MSI2: variants seen among roughly 807,000 people sequenced by gnomAD.
MSI2 encodes the protein musashi RNA binding protein 2.
Under a neutral mutation model 45.6 loss-of-function variants are expected in MSI2, and 17 were observed. That is an observed-to-expected ratio of 0.37 (90% CI 0.26 to 0.56). The LOEUF (loss-of-function observed/expected upper bound fraction) is 0.56. Among genes scored for constraint, MSI2 ranks in the 20% least tolerant of loss-of-function variants. MSI2 has a pLI of 0.77. For missense variants in MSI2, 293 were observed against 444.2 expected, an observed-to-expected ratio of 0.66 and a Z score of 3.06; for synonymous variants, 156 against 158.2, an observed-to-expected ratio of 0.99 and a Z score of 0.11.
intron 11 of MSI2, among the ~76,000 whole-genome samples, chr17:57,674,560 A>C (rs1913080681): frequency 6.6e-6 from 1 of 152,006 alleles, no homozygotes; most frequent in African/African-American, 2.4e-5. Context: ...ACGTGCCCAG[A>C]TCTAGAAGAC....
At chr17:57,640,149 G>A (rs879278918) in intron 10 of MSI2, among the ~76,000 whole-genome samples, 21 of 152,128 alleles carry the variant, frequency 1.4e-4, no homozygotes, top group Non-Finnish European at 1.5e-4. Flanking sequence ...AGGGCACTGG[G>A]AACCATCAGT....
chr17:57,637,748 G>T (rs1484207744), intron 10 of MSI2, among the ~76,000 whole-genome samples: 1 of 152,226 alleles, frequency 6.6e-6, no homozygotes, highest in Non-Finnish European at 1.5e-5. Context: ...TTTAGAAAAG[G>T]TTAGTGTCAT....
At chr17:57,606,672 G>A (rs147212192) in intron 8 of MSI2, among the ~76,000 whole-genome samples, 7 of 152,232 alleles carry the variant, frequency 4.6e-5, no homozygotes, top group Admixed American at 2.6e-4. Context: ...TTGGTAAATA[G>A]TAGATGCTTA....
rs764340482 is a variant in MSI2, at chr17:57,285,951, T to C, written c.312+23759T>C. The C allele has an allele frequency of 1.8e-5, 27 of 1,534,780 alleles. No individual in the cohort carries two copies. The South Asian group carries it at 2.6e-4, about 15-fold the overall frequency. On this transcript the variant is annotated intron_variant, in intron 5 of 13. Transcript: ENST00000284073. ...TATCACGTGAATCAGTATCTTTTTA[T>C]TCAACATGGATGGAGTGGGAGTGGA... is the stretch of plus-strand genomic sequence containing the variant.
chr17:57,356,131 T>A (rs975855175), intron 5 of MSI2, among the ~76,000 whole-genome samples: 1 of 152,176 alleles, frequency 6.6e-6, no homozygotes, highest in Non-Finnish European at 1.5e-5. Flanking sequence ...CGCCTCAGCC[T>A]CCCAAAGTGC....
At chr17:57,694,732 A>G in the MSI2 span, among the ~76,000 whole-genome samples, 2 of 152,186 alleles carry the variant, frequency 1.3e-5, no homozygotes, top group Admixed American at 1.3e-4. Flanking sequence ...AGTACACAAC[A>G]TGGCCTTAGA....
At chr17:57,501,735 T>C (rs1454775966) in intron 6 of MSI2, among the ~76,000 whole-genome samples, 5 of 152,336 alleles carry the variant, frequency 3.3e-5, no homozygotes, top group African/African-American at 1.2e-4. Context: ...GGACCTAGAA[T>C]AGCCCCTGCT....
intron 7 of MSI2, among the ~76,000 whole-genome samples, chr17:57,578,444 G>C (rs1358911730): frequency 1.3e-5 from 2 of 151,962 alleles, no homozygotes; most frequent in Non-Finnish European, 1.5e-5. Context: ...AGTTCCTACT[G>C]GCCTTGCCTT....
intron 6 of MSI2, among the ~76,000 whole-genome samples, chr17:57,406,374 C>A (rs72830897): frequency 0.012 from 1,765 of 152,116 alleles, 14 homozygotes; most frequent in Non-Finnish European, 0.018. Context: ...CCCTTCAGGC[C>A]CCTCCTTCAA....
intron 6 of MSI2, among the ~76,000 whole-genome samples, chr17:57,433,365 C>T (rs1471021453): frequency 1.3e-5 from 2 of 152,018 alleles, no homozygotes; most frequent in South Asian, 2.1e-4. Flanking sequence ...GATCTGAAGT[C>T]GAACCCAGGA....
chr17:57,436,650 G>C (rs58953075), intron 6 of MSI2, among the ~76,000 whole-genome samples: 8,075 of 152,312 alleles, frequency 0.053, 282 homozygotes, highest in East Asian at 0.16. Flanking sequence ...AGGAGGCAGG[G>C]GGGTGAGAGC....
intron 10 of MSI2, among the ~76,000 whole-genome samples, chr17:57,643,573 A>C (rs1406867436): frequency 6.6e-6 from 1 of 152,184 alleles, no homozygotes; most frequent in African/African-American, 2.4e-5. Context: ...CTGGTTCCGC[A>C]CTTGCCTCTT....
Position 57,473,884 on chromosome 17 carries a change from C to T in MSI2, c.406-55792C>T, listed in dbSNP as rs763475055. On this transcript the variant is annotated intron_variant, in intron 6 of 13. Transcript: ENST00000284073. ...ATTCCTGAGATGGTCTGCAGCCTTC[C>T]GCTTAGCCCCAGCAGACTGAATATG... Among the ~76,000 whole-genome samples, 8 of 152,220 alleles carry T rather than the reference C, an allele frequency of 5.3e-5. No individual in the cohort carries two copies. In the South Asian group the frequency reaches 8.3e-4, roughly 16 times the overall value.
the MSI2 span, among the ~76,000 whole-genome samples, chr17:57,699,380 T>C: frequency 9.9e-5 from 15 of 151,632 alleles, no homozygotes; most frequent in African/African-American, 3.6e-4. Flanking sequence ...CCAATCAGAA[T>C]TGCATTGGTA....
chr17:57,347,783 A>C (rs1318973325), intron 5 of MSI2, among the ~76,000 whole-genome samples: 3 of 151,924 alleles, frequency 2.0e-5, no homozygotes, highest in African/African-American at 7.3e-5. Context: ...GATGTTAGCA[A>C]CTCCTTCTCA....
intron 6 of MSI2, among the ~76,000 whole-genome samples, chr17:57,432,810 G>T (rs1001474799): frequency 1.3e-5 from 2 of 152,156 alleles, no homozygotes; most frequent in African/African-American, 4.8e-5. Context: ...TCTGCTAAGC[G>T]ATTCCTGTGT....
At chr17:57,655,945 C>T (rs183406893) in intron 11 of MSI2, among the ~76,000 whole-genome samples, 1 of 152,144 alleles carries the variant, frequency 6.6e-6, no homozygotes, top group East Asian at 1.9e-4. Context: ...TCCAGTAAAA[C>T]ATTTCACACC....
At chr17:57,607,412 A>G (rs1469297976) in intron 8 of MSI2, among the ~76,000 whole-genome samples, 1 of 152,248 alleles carries the variant, frequency 6.6e-6, no homozygotes, top group Non-Finnish European at 1.5e-5. Context: ...CTGTTTGCAC[A>G]GTAACCCCTT....
At chr17:57,558,391 G>A (rs1331872087) in intron 7 of MSI2, among the ~76,000 whole-genome samples, 1 of 152,154 alleles carries the variant, frequency 6.6e-6, no homozygotes, top group Admixed American at 6.5e-5. Context: ...CGCCTCTGCT[G>A]TTGAGGCCCC....
Sources: allele counts gnomAD v4.1 joint callset (sites outside exome capture counted in the v4.1 genomes callset), GRCh38; gene constraint gnomAD v4.1.1; transcripts MANE v1.5; gene names NCBI Gene and HGNC (gene_info 2026-07-23, HGNC 2026-07-21).